Variants in DNM3 observed in about 807,000 individuals in gnomAD.
The protein encoded by DNM3 is dynamin-3.
Under a neutral mutation model 101.6 loss-of-function variants are expected in DNM3, and 47 were observed. The ratio of observed to expected loss-of-function variants is 0.46; its 90% confidence interval spans 0.37 to 0.59. The LOEUF (loss-of-function observed/expected upper bound fraction) is 0.59, where lower values mean the gene tolerates loss of function less well. Ranked by LOEUF, DNM3 falls within the 20% of genes least tolerant of loss-of-function variation. The pLI is 0.00. For missense variants in DNM3, 849 were observed against 1,085.7 expected (o/e 0.78, Z 3.06); for synonymous variants, 385 against 387.9 (o/e 0.99, Z 0.09).
chr1:172,100,109 C>T (rs1243257336), intron 13 of DNM3, among the ~76,000 whole-genome samples: 3 of 152,156 alleles, frequency 2.0e-5, no homozygotes, highest in African/African-American at 7.2e-5. Flanking sequence ...TATTAGGGTA[C>T]TTCTTAGTCT....
intron 11 of DNM3, among the ~76,000 whole-genome samples, chr1:172,076,573 T>A (rs1271342036): frequency 1.3e-5 from 2 of 152,218 alleles, no homozygotes; most frequent in Middle Eastern, 3.2e-3. Context: ...ATTGAGATAA[T>A]CATGTGGTTT....
At chr1:172,130,829 T>C (rs1000747581) in intron 13 of DNM3, among the ~76,000 whole-genome samples, 30 of 152,302 alleles carry the variant, frequency 2.0e-4, no homozygotes, top group African/African-American at 7.2e-4. Flanking sequence ...GAGTCTATTG[T>C]TCATCCAGTC....
At chr1:172,235,196 A>G (rs147662447) in intron 14 of DNM3, among the ~76,000 whole-genome samples, 442 of 152,354 alleles carry the variant, frequency 2.9e-3, no homozygotes, top group Middle Eastern at 0.017. Flanking sequence ...GGATATGAGC[A>G]GACACTTCTC....
chr1:172,248,741 A>G (rs1268063838), intron 14 of DNM3, among the ~76,000 whole-genome samples: 2 of 152,180 alleles, frequency 1.3e-5, no homozygotes, highest in Non-Finnish European at 2.9e-5. Flanking sequence ...TCAGTTAAGC[A>G]TTTCATATAG....
chr1:171,908,433 A>T (rs2039007261), intron 1 of DNM3, among the ~76,000 whole-genome samples: 1 of 152,160 alleles, frequency 6.6e-6, no homozygotes, highest in East Asian at 1.9e-4. Context: ...TATTTTGTCA[A>T]TATTATTTGC....
At chr1:172,097,535 C>T (rs1393590013) in intron 13 of DNM3, among the ~76,000 whole-genome samples, 3 of 152,144 alleles carry the variant, frequency 2.0e-5, no homozygotes, top group African/African-American at 4.8e-5. Context: ...TCAATAAATA[C>T]ATGGTATCCG....
intron 17 of DNM3, among the ~76,000 whole-genome samples, chr1:172,330,083 A>G (rs564636376): frequency 1.2e-3 from 176 of 152,326 alleles, no homozygotes; most frequent in African/African-American, 4.0e-3. Flanking sequence ...TCTGCATTAA[A>G]TGCCTTGGTT....
chr1:172,032,397 T>C lies in DNM3; in HGVS notation c.590-5T>C, dbSNP rs761809522. Reference sequence around the variant, plus strand: ...TGTGTAATGTTGGGTTTGTTTATGATGCAGGTCTGAGAACCATTGGAGTTA... The same window carrying C: ...TGTGTAATGTTGGGTTTGTTTATGACGCAGGTCTGAGAACCATTGGAGTTA... On this transcript the variant is annotated splice_polypyrimidine_tract_variant and splice_region_variant and intron_variant, in intron 4 of 20. Transcript: ENST00000627582. 9 of 1,608,028 alleles carry C rather than the reference T, an allele frequency of 5.6e-6. No individual in the cohort carries two copies. The Admixed American group carries it at 1.2e-4, about 21-fold the overall frequency.
intron 13 of DNM3, among the ~76,000 whole-genome samples, chr1:172,129,945 A>G (rs2056845638): frequency 6.6e-6 from 1 of 152,148 alleles, no homozygotes; most frequent in Non-Finnish European, 1.5e-5. Flanking sequence ...GCAACAGCAC[A>G]CTGAAATGGA....
At chr1:172,068,928 G>A (rs2051926355) in intron 11 of DNM3, 23 bp downstream of exon 11, 1 of 1,545,678 alleles carries the variant, frequency 6.5e-7, no homozygotes, top group Non-Finnish European at 8.8e-7. Context: ...CTTCCCTGGT[G>A]GGCAGGGAGA....
At chr1:172,069,808 A>G (rs1330887610) in intron 11 of DNM3, among the ~76,000 whole-genome samples, 1 of 152,154 alleles carries the variant, frequency 6.6e-6, no homozygotes, top group Non-Finnish European at 1.5e-5. Flanking sequence ...ATTGGTCTAT[A>G]TGCTCTCTGA....
At chr1:172,027,717 G>A (rs1291959166) in intron 4 of DNM3, among the ~76,000 whole-genome samples, 1 of 151,978 alleles carries the variant, frequency 6.6e-6, no homozygotes, top group Non-Finnish European at 1.5e-5. Context: ...AAAATAAAGG[G>A]ATGGAAGGAT....
chr1:172,290,677 T>C (rs1202641083), intron 15 of DNM3, among the ~76,000 whole-genome samples: 2 of 152,158 alleles, frequency 1.3e-5, no homozygotes, highest in Admixed American at 1.3e-4. Flanking sequence ...TAAGTTGTGA[T>C]AATCATCCCA....
At chr1:172,128,574 A>G (rs76210986) in intron 13 of DNM3, among the ~76,000 whole-genome samples, 3 of 152,246 alleles carry the variant, frequency 2.0e-5, no homozygotes, top group African/African-American at 7.2e-5. Flanking sequence ...AATATATGTA[A>G]AATACATTTT....
At chr1:172,129,517 T>C (rs1216767531) in intron 13 of DNM3, among the ~76,000 whole-genome samples, 1 of 152,140 alleles carries the variant, frequency 6.6e-6, no homozygotes, top group African/African-American at 2.4e-5. Context: ...AGAGGTTTAA[T>C]GGACTTACAG....
At chr1:172,180,273 A>C (rs1346302664) in intron 14 of DNM3, among the ~76,000 whole-genome samples, 3 of 152,112 alleles carry the variant, frequency 2.0e-5, no homozygotes, top group African/African-American at 7.2e-5. Context: ...CTGCATGCTA[A>C]CCAACACTTG....
At chr1:172,343,115 A>G (rs1164058251) in intron 17 of DNM3, among the ~76,000 whole-genome samples, 1 of 152,190 alleles carries the variant, frequency 6.6e-6, no homozygotes, top group Non-Finnish European at 1.5e-5. Flanking sequence ...GACTAACCAT[A>G]ATTTCAATTA....
intron 4 of DNM3, among the ~76,000 whole-genome samples, chr1:172,029,100 C>G (rs1045740322): frequency 6.6e-6 from 1 of 152,004 alleles, no homozygotes; most frequent in African/African-American, 2.4e-5. Context: ...GGTGGAGACA[C>G]AATAAAAAAA....
intron 14 of DNM3, among the ~76,000 whole-genome samples, chr1:172,195,048 G>A (rs577326552): frequency 6.6e-6 from 1 of 152,118 alleles, no homozygotes; most frequent in East Asian, 1.9e-4. Context: ...GTCTGGTAAG[G>A]CAGGCCTGTT....
Sources: allele counts gnomAD v4.1 joint callset (sites outside exome capture counted in the v4.1 genomes callset), GRCh38; gene constraint gnomAD v4.1.1; transcripts MANE v1.5; gene names NCBI Gene and HGNC (gene_info 2026-07-23, HGNC 2026-07-21).